The following KHDRBS3 variants were observed in gnomAD, a reference collection of about 807,000 sequenced individuals.
KHDRBS3 encodes KH RNA binding domain containing, signal transduction associated 3.
KHDRBS3 carries 23 observed loss-of-function variants against 45.6 expected under a neutral mutation model. That is an observed-to-expected ratio of 0.50 (90% confidence interval 0.36 to 0.72). KHDRBS3 has a LOEUF of 0.72. Ranked by LOEUF, KHDRBS3 falls within the 30% of genes least tolerant of loss-of-function variation. The probability of loss-of-function intolerance (pLI) is 0.00; values close to 1 mark genes in which losing one functional copy is unlikely to be tolerated. For synonymous variants in KHDRBS3, 162 were observed against 156.5 expected, an observed-to-expected ratio of 1.04 and a Z score of -0.26; for missense variants, 352 against 424.8, an observed-to-expected ratio of 0.83 and a Z score of 1.51.
chr8:135,497,518 G>A (rs1374662022), intron 1 of KHDRBS3, among the ~76,000 whole-genome samples: 1 of 151,950 alleles, frequency 6.6e-6, no homozygotes, highest in Non-Finnish European at 1.5e-5. Flanking sequence ...CATCTCTTGT[G>A]GTCTCTTACT....
At chr8:135,480,406 AC>A (rs750668514) in intron 1 of KHDRBS3, among the ~76,000 whole-genome samples, 21 of 152,162 alleles carry the variant, frequency 1.4e-4, no homozygotes, top group Non-Finnish European at 2.9e-4. Context: ...AACTACTAAA[AC>A]TAATTAATTT....
intron 7 of KHDRBS3, among the ~76,000 whole-genome samples, chr8:135,632,128 G>A (rs965454999): frequency 5.9e-5 from 9 of 152,150 alleles, no homozygotes; most frequent in African/African-American, 1.9e-4. Flanking sequence ...GTCTCAACTC[G>A]CTGTCTTCAC....
chr8:135,626,803 CAAAA>C (rs57231709), intron 7 of KHDRBS3, among the ~76,000 whole-genome samples: 1 of 91,122 alleles, frequency 1.1e-5, no homozygotes. Context: ...GACTCCGTCT[CAAAA>C]AAAAAAAAAA....
chr8:135,521,934 T>C (rs1172389142), intron 2 of KHDRBS3, among the ~76,000 whole-genome samples: 2 of 152,222 alleles, frequency 1.3e-5, no homozygotes, highest in African/African-American at 4.8e-5. Flanking sequence ...ACAAGTTGTT[T>C]CCTTTTCTTT....
Position 135,510,058 on chromosome 8 carries a change from C to T in KHDRBS3, c.89-11179C>T, listed in dbSNP as rs186966687. ...GCAGTAGTGCAGGCATAGGTCACTA[C>T]AGCCTTGACCTCCTGGGCTCAAGCG... On this transcript the variant is annotated intron_variant, in intron 1 of 8. Transcript: ENST00000355849. 1.0e-3 allele frequency among the ~76,000 whole-genome samples: 148 copies of T among 146,380 alleles called. 1 individual carries two copies. Among genetic ancestry groups the T allele is most frequent in the African/African-American group, 3.6e-3 (141 of 39,304 alleles).
chr8:135,649,534 A>G (rs1310765297), downstream of KHDRBS3, among the ~76,000 whole-genome samples: 2 of 152,190 alleles, frequency 1.3e-5, no homozygotes, highest in Non-Finnish European at 1.5e-5. Context: ...TTAGAAAGAA[A>G]ATAATTCTCA....
At chr8:135,562,512 T>G (rs75106090) in intron 5 of KHDRBS3, among the ~76,000 whole-genome samples, 72 of 151,456 alleles carry the variant, frequency 4.8e-4, no homozygotes, top group African/African-American at 1.6e-3. Context: ...TCCTCATAGC[T>G]AAGCGACTGT....
At chr8:135,560,880 A>T (rs1210843768) in intron 5 of KHDRBS3, among the ~76,000 whole-genome samples, 1 of 152,154 alleles carries the variant, frequency 6.6e-6, no homozygotes, top group Non-Finnish European at 1.5e-5. Context: ...CCACCTGTGT[A>T]CTTGAAATCA....
chr8:135,508,890 A>G (rs913899955), intron 1 of KHDRBS3, among the ~76,000 whole-genome samples: 8 of 152,268 alleles, frequency 5.3e-5, no homozygotes, highest in African/African-American at 1.9e-4. Context: ...TGATTTAAGT[A>G]AAAACTTAGC....
At chr8:135,643,442 A>G (rs1013898170) in intron 7 of KHDRBS3, among the ~76,000 whole-genome samples, 9 of 152,208 alleles carry the variant, frequency 5.9e-5, no homozygotes, top group African/African-American at 1.9e-4. Context: ...TCACTCAGGG[A>G]TACCAGCAAG....
intron 7 of KHDRBS3, among the ~76,000 whole-genome samples, chr8:135,614,594 C>A (rs1041365509): frequency 6.6e-6 from 1 of 151,330 alleles, no homozygotes; most frequent in Admixed American, 6.6e-5. Context: ...AAACTGTCAA[C>A]AAAAATACTT....
chr8:135,554,559 AT>A (rs1826781398), intron 4 of KHDRBS3, among the ~76,000 whole-genome samples: 3 of 152,200 alleles, frequency 2.0e-5, no homozygotes, highest in Admixed American at 6.5e-5. Context: ...TGAGGTCACA[AT>A]ACCTGAAATA....
At chr8:135,560,051 G>A (rs1827093219) in intron 5 of KHDRBS3, among the ~76,000 whole-genome samples, 1 of 151,970 alleles carries the variant, frequency 6.6e-6, no homozygotes, top group African/African-American at 2.4e-5. Context: ...CCCCATCTCT[G>A]CAAAAATAAA....
chr8:135,501,692 A>C (rs573003484), intron 1 of KHDRBS3, among the ~76,000 whole-genome samples: 1 of 152,250 alleles, frequency 6.6e-6, no homozygotes, highest in African/African-American at 2.4e-5. Context: ...CTCGCAGAAA[A>C]GTTTGAGTGT....
At chr8:135,549,853 G>T (rs1460371860) in intron 4 of KHDRBS3, 1 of 152,100 alleles carries the variant, frequency 6.6e-6, no homozygotes, top group African/African-American at 2.4e-5. Flanking sequence ...AATCACTTTT[G>T]CCTTTAAAAA....
chr8:135,509,222 A>G (rs546061894), intron 1 of KHDRBS3, among the ~76,000 whole-genome samples: 2 of 152,216 alleles, frequency 1.3e-5, no homozygotes, highest in African/African-American at 2.4e-5. Context: ...AATTTGTTTC[A>G]TTGACTTGTT....
At chr8:135,497,082 A>G (rs535134573) in intron 1 of KHDRBS3, among the ~76,000 whole-genome samples, 2 of 152,212 alleles carry the variant, frequency 1.3e-5, no homozygotes, top group Non-Finnish European at 2.9e-5. Context: ...TGAATTAGAC[A>G]CCTCTGTCCT....
intron 7 of KHDRBS3, among the ~76,000 whole-genome samples, chr8:135,632,104 A>C (rs1483229407): frequency 6.6e-6 from 1 of 152,218 alleles, no homozygotes; most frequent in African/African-American, 2.4e-5. Context: ...CCAAAGCCAA[A>C]GTGTGCAAAA....
chr8:135,579,975 CT>C (rs1828124915), intron 5 of KHDRBS3, among the ~76,000 whole-genome samples: 1 of 152,174 alleles, frequency 6.6e-6, no homozygotes, highest in South Asian at 2.1e-4. Flanking sequence ...AGGCCTTGTT[CT>C]TGTTCCCCCT....
Sources: gnomAD v4.1 joint callset for allele counts (sites outside exome capture counted in the v4.1 genomes callset) on GRCh38, gnomAD v4.1.1 for gene constraint, MANE v1.5 for transcripts, NCBI Gene and HGNC (gene_info 2026-07-23, HGNC 2026-07-21) for gene names.